Variants in KCNN2 observed in about 807,000 individuals in gnomAD.
KCNN2 encodes the protein potassium calcium-activated channel subfamily N member 2, also known as small conductance calcium-activated potassium channel protein 2.
A neutral mutation model predicts 55.5 loss-of-function variants in KCNN2; 24 were observed. That is an observed-to-expected ratio of 0.43 (90% CI 0.31 to 0.61). KCNN2 has a LOEUF of 0.61. Among genes scored for constraint, KCNN2 ranks in the 20% least tolerant of loss-of-function variants. The pLI, the probability that KCNN2 is intolerant of heterozygous loss-of-function variation, is 0.08. For synonymous variants in KCNN2, 431 were observed against 336.1 expected (o/e 1.28, Z -3.09); for missense variants, 754 against 853.6 (o/e 0.88, Z 1.45).
At chr5:114,199,435 A>G (rs761712885) in intron 1 of KCNN2, among the ~76,000 whole-genome samples, 1 of 152,102 alleles carries the variant, frequency 6.6e-6, no homozygotes, top group Admixed American at 6.5e-5. Flanking sequence ...ATATTGATAT[A>G]TGAGGCTTTG....
exon 1 of KCNN2, chr5:114,056,499 A>C: frequency 2.5e-6 from 1 of 398,448 alleles, no homozygotes; most frequent in Non-Finnish European, 4.4e-6. Context: ...TTGCAGAACG[A>C]GGTAAGGTCG....
intron 3 of KCNN2, among the ~76,000 whole-genome samples, chr5:114,431,638 CT>C (rs70976344): frequency 0.21 from 32,519 of 151,798 alleles, 4,040 homozygotes; most frequent in Non-Finnish European, 0.28. Context: ...GGTTAAACTT[CT>C]CTTTTTCTCA....
intron 2 of KCNN2, among the ~76,000 whole-genome samples, chr5:114,274,132 C>G (rs1391449856): frequency 1.3e-5 from 2 of 152,130 alleles, no homozygotes. Flanking sequence ...TTAGGTTTGT[C>G]AAAGATCAGA....
At chr5:114,423,378 C>T (rs779341412) in intron 3 of KCNN2, among the ~76,000 whole-genome samples, 40 of 152,076 alleles carry the variant, frequency 2.6e-4, no homozygotes, top group Non-Finnish European at 5.3e-4. Flanking sequence ...CAGAATGGTA[C>T]GATATGAGCC....
At chr5:114,278,709 G>A (rs903032744) in intron 2 of KCNN2, among the ~76,000 whole-genome samples, 8 of 152,210 alleles carry the variant, frequency 5.3e-5, no homozygotes, top group Non-Finnish European at 8.8e-5. Context: ...TCTGCCGGTT[G>A]CGAAGACCAT....
chr5:114,332,855 G>GCTA (rs1561574561), intron 2 of KCNN2, among the ~76,000 whole-genome samples: 1 of 152,128 alleles, frequency 6.6e-6, no homozygotes, highest in East Asian at 1.9e-4. Context: ...TTATTCAAAT[G>GCTA]CTACTCATTT....
intron 1 of KCNN2, among the ~76,000 whole-genome samples, chr5:114,059,301 T>G (rs757503991): frequency 1.1e-4 from 17 of 152,320 alleles, no homozygotes; most frequent in Admixed American, 5.2e-4. Flanking sequence ...AAATCATATT[T>G]TGGACATATC....
chr5:114,179,021 A>G (rs1753188190), intron 1 of KCNN2, among the ~76,000 whole-genome samples: 2 of 152,218 alleles, frequency 1.3e-5, no homozygotes, highest in African/African-American at 4.8e-5. Context: ...TCCCTCCAAG[A>G]CAGAATTCAT....
intron 2 of KCNN2, among the ~76,000 whole-genome samples, chr5:114,260,832 G>T (rs889744613): frequency 6.6e-6 from 1 of 152,160 alleles, no homozygotes; most frequent in Non-Finnish European, 1.5e-5. Flanking sequence ...TGTAAAATGG[G>T]CAGTGCTCCC....
chr5:114,176,956 T>C (rs1438560614), intron 1 of KCNN2, among the ~76,000 whole-genome samples: 1 of 152,146 alleles, frequency 6.6e-6, no homozygotes, highest in East Asian at 1.9e-4. Flanking sequence ...TTTTTCTTTT[T>C]AAAGGAGGAA....
chr5:114,158,218 A>C (rs1402820544), intron 1 of KCNN2, among the ~76,000 whole-genome samples: 1 of 152,224 alleles, frequency 6.6e-6, no homozygotes, highest in Non-Finnish European at 1.5e-5. Context: ...AGCTTTCTAC[A>C]TATGACTAGC....
chr5:114,096,247 T>A (rs1266610589), intron 1 of KCNN2, among the ~76,000 whole-genome samples: 15 of 152,152 alleles, frequency 9.9e-5, no homozygotes, highest in Admixed American at 9.8e-4. Flanking sequence ...TTCAGTGAGA[T>A]CAGGCATTTA....
At chr5:114,268,468 A>G (rs1045735577) in intron 2 of KCNN2, among the ~76,000 whole-genome samples, 2 of 152,220 alleles carry the variant, frequency 1.3e-5, no homozygotes, top group African/African-American at 4.8e-5. Flanking sequence ...TTATTTCTGC[A>G]GTTTGCACTT....
At chr5:114,393,573 C>G (rs1580784541) in intron 2 of KCNN2, among the ~76,000 whole-genome samples, 1 of 151,928 alleles carries the variant, frequency 6.6e-6, no homozygotes. Flanking sequence ...TTACTCACAT[C>G]TCCAAAGTAA....
chr5:114,127,178 C>T (rs887072348), intron 1 of KCNN2, among the ~76,000 whole-genome samples: 4 of 152,090 alleles, frequency 2.6e-5, no homozygotes, highest in Non-Finnish European at 4.4e-5. Context: ...GATGGTGGCC[C>T]TCTTCTCACA....
chr5:114,444,319 G>A (rs1281862672), intron 3 of KCNN2, among the ~76,000 whole-genome samples: 2 of 151,982 alleles, frequency 1.3e-5, no homozygotes, highest in Non-Finnish European at 2.9e-5. Flanking sequence ...GAGGAGGAGG[G>A]GTTAGAGTAT....
At chr5:114,493,588 C>A in intron 7 of KCNN2, 116 bp downstream of exon 7, 1 of 719,928 alleles carries the variant, frequency 1.4e-6, no homozygotes. Flanking sequence ...ATAAATCAAA[C>A]CAGCAAAGCA....
intron 2 of KCNN2, among the ~76,000 whole-genome samples, chr5:114,252,117 A>T (rs1401528830): frequency 6.6e-6 from 1 of 151,926 alleles, no homozygotes; most frequent in East Asian, 1.9e-4. Flanking sequence ...ACCTCAAGTG[A>T]TCCTCCTGCC....
chr5:114,274,868 CTA>C (rs1309323768), intron 2 of KCNN2, among the ~76,000 whole-genome samples: 1 of 152,170 alleles, frequency 6.6e-6, no homozygotes, highest in Non-Finnish European at 1.5e-5. Flanking sequence ...ACTTCCAACA[CTA>C]TGTTGAATAG....
Sources: gnomAD v4.1 joint callset for allele counts (sites outside exome capture counted in the v4.1 genomes callset) on GRCh38, gnomAD v4.1.1 for gene constraint, MANE v1.5 for transcripts, NCBI Gene and HGNC (gene_info 2026-07-23, HGNC 2026-07-21) for gene names.